The following NAALADL2 variants were observed in gnomAD, a reference collection of about 807,000 sequenced individuals.
NAALADL2 encodes N-acetylated alpha-linked acidic dipeptidase like 2, also known as inactive N-acetylated-alpha-linked acidic dipeptidase-like protein 2.
Under a neutral mutation model 87.2 loss-of-function variants are expected in NAALADL2, and 76 were observed. That is an observed-to-expected ratio of 0.87 (90% CI 0.72 to 1.05). The LOEUF (loss-of-function observed/expected upper bound fraction) is 1.05. Ranked by LOEUF, NAALADL2 falls within the 50% of genes least tolerant of loss-of-function variation. The pLI is 0.00. For missense variants in NAALADL2, 1,089 were observed against 945.8 expected (o/e 1.15, Z -1.99); for synonymous variants, 354 against 331.0 (o/e 1.07, Z -0.75).
At chr3:175,740,890 T>C (rs984385827) in intron 12 of NAALADL2, among the ~76,000 whole-genome samples, 2 of 152,202 alleles carry the variant, frequency 1.3e-5, no homozygotes, top group African/African-American at 2.4e-5. Context: ...GAACCCTCTC[T>C]TGGGGGTCTG....
chr3:174,963,183 C>T (rs1372679287), intron 1 of NAALADL2, among the ~76,000 whole-genome samples: 1 of 152,036 alleles, frequency 6.6e-6, no homozygotes, highest in Non-Finnish European at 1.5e-5. Flanking sequence ...ATCACTGATA[C>T]TGAACAAAAC....
intron 1 of NAALADL2, among the ~76,000 whole-genome samples, chr3:174,522,050 G>C (rs934258349): frequency 3.3e-5 from 5 of 152,092 alleles, no homozygotes; most frequent in African/African-American, 1.2e-4. Context: ...AGTGAGCCCT[G>C]ATTGCACCAC....
chr3:175,578,152 G>T (rs1719182763), intron 10 of NAALADL2, among the ~76,000 whole-genome samples: 1 of 152,082 alleles, frequency 6.6e-6, no homozygotes. Context: ...AAGAATAGGT[G>T]CAACGGTTCA....
intron 2 of NAALADL2, among the ~76,000 whole-genome samples, chr3:174,699,913 C>T (rs530707686): frequency 3.3e-4 from 47 of 142,002 alleles, no homozygotes; most frequent in Non-Finnish European, 3.2e-4. Context: ...CTTAGGGAAA[C>T]TTATTCCCCT....
chr3:175,742,693 G>A (rs771399067), intron 12 of NAALADL2, among the ~76,000 whole-genome samples: 13 of 152,202 alleles, frequency 8.5e-5, no homozygotes, highest in Non-Finnish European at 1.6e-4. Context: ...CACCGCGCCC[G>A]GCCCTATGTA....
intron 1 of NAALADL2, among the ~76,000 whole-genome samples, chr3:174,534,082 T>G (rs1721495167): frequency 6.6e-6 from 1 of 152,174 alleles, no homozygotes; most frequent in Non-Finnish European, 1.5e-5. Context: ...TATGTGTATA[T>G]AAAAATTGGA....
chr3:174,542,849 G>T (rs1400954266), intron 1 of NAALADL2, among the ~76,000 whole-genome samples: 2 of 152,218 alleles, frequency 1.3e-5, no homozygotes, highest in East Asian at 3.9e-4. Flanking sequence ...GACTGGGAAA[G>T]ATGTCCTGCT....
At chr3:174,618,911 C>G (rs940017099) in intron 2 of NAALADL2, among the ~76,000 whole-genome samples, 14 of 151,840 alleles carry the variant, frequency 9.2e-5, no homozygotes, top group Admixed American at 4.6e-4. Context: ...TTTAGTAAAA[C>G]CACATTCAAA....
At chr3:175,167,283 C>A (rs1228312637) in intron 2 of NAALADL2, among the ~76,000 whole-genome samples, 1 of 152,056 alleles carries the variant, frequency 6.6e-6, no homozygotes, top group African/African-American at 2.4e-5. Flanking sequence ...AGAGGTTAAA[C>A]TCCTGCCATG....
At chr3:174,779,962 T>C (rs1317677299) in intron 3 of NAALADL2, among the ~76,000 whole-genome samples, 4 of 152,206 alleles carry the variant, frequency 2.6e-5, no homozygotes, top group African/African-American at 4.8e-5. Context: ...CAGGTTCTTT[T>C]TTGATTCCAT....
rs911026941 is a variant in NAALADL2, at chr3:175,804,980, T to G, written c.*1777T>G. 1.1e-4 allele frequency: 16 copies of G among 151,868 alleles called. No individual in the cohort carries two copies. Among genetic ancestry groups the G allele is most frequent in the African/African-American group, 3.9e-4 (16 of 41,388 alleles). 9.4% of individuals were successfully genotyped at this position (151,868 alleles called of 1,614,324 possible). A position where few individuals can be genotyped will look rare whatever the true frequency, so the allele number is the denominator to read the frequency against. The stretch of plus-strand genomic sequence containing the variant: ...TGCAAACATTTGCCATGTTGAAGAG[T>G]GTGTATAGGAAAGGTCTAGAAATAA... On this transcript the variant is annotated 3_prime_UTR_variant, in exon 14 of 14. Transcript: ENST00000454872.
chr3:174,850,145 G>A (rs746359593), intron 3 of NAALADL2, among the ~76,000 whole-genome samples: 3 of 152,044 alleles, frequency 2.0e-5, no homozygotes, highest in Admixed American at 6.6e-5. Flanking sequence ...CCTCATGTTC[G>A]AAGGATAATT....
At chr3:174,923,982 C>T (rs1017099895) in intron 1 of NAALADL2, among the ~76,000 whole-genome samples, 16 of 152,166 alleles carry the variant, frequency 1.1e-4, no homozygotes, top group African/African-American at 3.6e-4. Context: ...GGAATTGAGG[C>T]ATAGGACTGA....
At chr3:175,120,733 T>G (rs1038897427) in intron 2 of NAALADL2, among the ~76,000 whole-genome samples, 2 of 151,844 alleles carry the variant, frequency 1.3e-5, no homozygotes, top group African/African-American at 4.8e-5. Context: ...TGTGCTGTAT[T>G]GTTTTATTAT....
At chr3:175,606,329 G>A (rs986401144) in intron 10 of NAALADL2, among the ~76,000 whole-genome samples, 5 of 151,004 alleles carry the variant, frequency 3.3e-5, no homozygotes, top group Admixed American at 2.6e-4. Flanking sequence ...ATATTTAGAG[G>A]AAAAGGAAGT....
intron 11 of NAALADL2, among the ~76,000 whole-genome samples, chr3:175,697,353 T>G (rs776741965): frequency 5.9e-5 from 9 of 151,516 alleles, no homozygotes; most frequent in Non-Finnish European, 1.0e-4. Context: ...CTACCCCTTT[T>G]CTGTTGAACA....
intron 1 of NAALADL2, chr3:174,540,755 A>G (rs144315637): frequency 1.3e-3 from 200 of 152,320 alleles, no homozygotes; most frequent in African/African-American, 4.4e-3. Context: ...GACTGGGACA[A>G]AAGCAGTTGA....
intron 1 of NAALADL2, among the ~76,000 whole-genome samples, chr3:174,932,615 C>T (rs1658097244): frequency 6.7e-6 from 1 of 149,552 alleles, no homozygotes. Context: ...ATTAATAAGC[C>T]CTGCTGGACC....
At chr3:175,620,944 CGGGTAAGTCTGTGA>C (rs1280027808) in intron 10 of NAALADL2, among the ~76,000 whole-genome samples, 9 of 152,070 alleles carry the variant, frequency 5.9e-5, no homozygotes, top group African/African-American at 2.2e-4. Context: ...GACCCAAAAG[CGGGTAAGTCTGTGA>C]GGCTGTCTAG....
Sources: gnomAD v4.1 joint callset for allele counts (sites outside exome capture counted in the v4.1 genomes callset) on GRCh38, gnomAD v4.1.1 for gene constraint, MANE v1.5 for transcripts, NCBI Gene and HGNC (gene_info 2026-07-23, HGNC 2026-07-21) for gene names.